The following PEMT variants were observed in gnomAD, a reference collection of about 807,000 sequenced individuals.
The protein encoded by PEMT is phosphatidylethanolamine N-methyltransferase, also known as phospholipid methyltransferase.
Under a neutral mutation model 27.4 loss-of-function variants are expected in PEMT, and 23 were observed. The ratio of observed to expected loss-of-function variants is 0.84; its 90% CI spans 0.60 to 1.19. The LOEUF (loss-of-function observed/expected upper bound fraction) is 1.19, where lower values mean the gene tolerates loss of function less well. Among genes scored for constraint, PEMT ranks in the 50% most tolerant of loss-of-function variants. The pLI is 0.00. For missense variants in PEMT, 307 were observed against 310.1 expected (o/e 0.99, Z 0.07); for synonymous variants, 137 against 139.1 (o/e 0.98, Z 0.11).
At chr17:17,549,569 C>T (rs1207116742) in intron 2 of PEMT, among the ~76,000 whole-genome samples, 2 of 152,226 alleles carry the variant, frequency 1.3e-5, no homozygotes, top group East Asian at 3.8e-4. Flanking sequence ...CTCAACCTCA[C>T]AAAATGCTGG....
chr17:17,590,434 C>T (rs1213039165), intron 1 of PEMT, among the ~76,000 whole-genome samples: 1 of 152,210 alleles, frequency 6.6e-6, no homozygotes, highest in Non-Finnish European at 1.5e-5. Flanking sequence ...GATACGGCAA[C>T]AGGCTCTCTT....
chr17:17,585,344 AAAC>A lies in PEMT; in HGVS notation c.96+6184_96+6186del, dbSNP rs992142662. ...CAGAGCGAGAATCCATCTCAAAAAC[AAAC>A]AACAACAACAAAAAGAAGTGAGGTG... On this transcript the variant is annotated intron_variant, in intron 1 of 6. Coordinates refer to ENST00000255389, the MANE Select transcript of PEMT (RefSeq NM_148172.3). Among the ~76,000 whole-genome samples, 17 of 152,310 alleles carry A rather than the reference AAAC, an allele frequency of 1.1e-4. 1 individual carries two copies. The highest frequency in any genetic ancestry group is 4.1e-4 in the African/African-American group (17 of 41,570).
chr17:17,506,871 G>A (rs1905903791), intron 5 of PEMT: 2 of 452,112 alleles, frequency 4.4e-6, no homozygotes, highest in Non-Finnish European at 8.0e-6. Context: ...GCCCCGCCCA[G>A]CCCTCAACAC....
intron 2 of PEMT, among the ~76,000 whole-genome samples, chr17:17,533,721 C>A (rs540917464): frequency 1.4e-5 from 2 of 141,040 alleles, no homozygotes; most frequent in African/African-American, 5.5e-5. Context: ...GAAGGCAGTT[C>A]GGCAGTGTCT....
chr17:17,506,479 A>G (rs1314679473), intron 5 of PEMT, among the ~76,000 whole-genome samples, 178 bp from the exon 6 acceptor site: 1 of 152,104 alleles, frequency 6.6e-6, no homozygotes, highest in Non-Finnish European at 1.5e-5. Context: ...TTGTGCCAGG[A>G]CCAGGGTCCC....
At chr17:17,558,447 G>A (rs1461216619) in intron 2 of PEMT, among the ~76,000 whole-genome samples, 1 of 151,972 alleles carries the variant, frequency 6.6e-6, no homozygotes, top group African/African-American at 2.4e-5. Flanking sequence ...GGCAGGGGTT[G>A]CAGTGAGCTG....
intron 1 of PEMT, among the ~76,000 whole-genome samples, chr17:17,589,352 C>T (rs1434456940): frequency 6.6e-6 from 1 of 151,346 alleles, no homozygotes; most frequent in Non-Finnish European, 1.5e-5. Flanking sequence ...TGGTGGAGGG[C>T]ATGGTACCCA....
chr17:17,505,658 T>C lies in PEMT; in HGVS notation c.*133A>G. The C allele has an allele frequency of 9.7e-7, 1 of 1,032,062 alleles. No homozygotes were observed. The highest frequency in any genetic ancestry group is 1.3e-6 in the Non-Finnish European group (1 of 756,886). The allele number at this position is 1,032,062 out of a possible 1,614,324, so 63.9% of individuals were successfully genotyped here. A position where few individuals can be genotyped will look rare whatever the true frequency, so the allele number is the denominator to read the frequency against. ...GTCCAGGGTCCCCAAGGCAGCAGGT[T>C]CCAAGGCACTGGGGCAGCCCACGCC... is the stretch of plus-strand genomic sequence containing the variant. On this transcript the variant is annotated 3_prime_UTR_variant, in exon 7 of 7. Coordinates refer to ENST00000255389, the MANE Select transcript of PEMT (RefSeq NM_148172.3).
At chr17:17,543,313 C>G (rs377390208) in intron 2 of PEMT, among the ~76,000 whole-genome samples, 18 of 152,224 alleles carry the variant, frequency 1.2e-4, no homozygotes, top group African/African-American at 4.3e-4. Context: ...CTCAGGCATA[C>G]GGCAGTGAAT....
rs377417091 is a variant in PEMT, at chr17:17,522,405, G to A, written c.205-10C>T. The stretch of plus-strand genomic sequence containing the variant: ...GTTCCCATCGTGCAACCTAAACCGT[G>A]AGCAGAGAACAAGAACGAGATATTT... On this transcript the variant is annotated splice_polypyrimidine_tract_variant and intron_variant, in intron 2 of 6. Coordinates refer to ENST00000255389, the MANE Select transcript of PEMT (RefSeq NM_148172.3). 1 of 1,584,066 alleles carries A rather than the reference G, an allele frequency of 6.3e-7. No individual in the cohort carries two copies. The highest frequency in any genetic ancestry group is 8.7e-7 in the Non-Finnish European group (1 of 1,153,264).
chr17:17,537,615 C>A (rs1302417076), intron 2 of PEMT, among the ~76,000 whole-genome samples: 1 of 152,234 alleles, frequency 6.6e-6, no homozygotes, highest in Non-Finnish European at 1.5e-5. Flanking sequence ...CCTCTTCCAT[C>A]CCTGATACTT....
chr17:17,520,759 G>A (rs1247853906), intron 3 of PEMT, among the ~76,000 whole-genome samples: 1 of 152,264 alleles, frequency 6.6e-6, no homozygotes, highest in Non-Finnish European at 1.5e-5. Context: ...CAGGCCTAGA[G>A]AAAGCAGGCA....
intron 2 of PEMT, among the ~76,000 whole-genome samples, chr17:17,573,985 T>C (rs1911390650): frequency 6.6e-6 from 1 of 152,040 alleles, no homozygotes; most frequent in Admixed American, 6.6e-5. Flanking sequence ...TTTTGCCATG[T>C]TCCCCAGGAT....
At chr17:17,578,537 T>C (rs569389459) in intron 1 of PEMT, 1 of 152,028 alleles carries the variant, frequency 6.6e-6, no homozygotes, top group Non-Finnish European at 1.5e-5. Context: ...AATAAAAAAC[T>C]TTTTCTAAAA....
At chr17:17,546,568 G>C (rs1343459430) in intron 2 of PEMT, among the ~76,000 whole-genome samples, 3 of 152,198 alleles carry the variant, frequency 2.0e-5, no homozygotes, top group Admixed American at 6.6e-5. Flanking sequence ...ACAAGATAAC[G>C]GGATGGCATC....
intron 2 of PEMT, among the ~76,000 whole-genome samples, chr17:17,536,063 C>T (rs954568265): frequency 1.3e-5 from 2 of 152,218 alleles, no homozygotes; most frequent in East Asian, 1.9e-4. Context: ...CTGTGGCATG[C>T]AGGCCCTGTG....
chr17:17,563,204 C>T (rs1278944367), intron 2 of PEMT, among the ~76,000 whole-genome samples: 2 of 151,810 alleles, frequency 1.3e-5, no homozygotes, highest in Non-Finnish European at 2.9e-5. Flanking sequence ...GAGAGAAGCA[C>T]GTTGGGGGTT....
chr17:17,534,587 G>A (rs923404717), intron 2 of PEMT, among the ~76,000 whole-genome samples: 9 of 152,290 alleles, frequency 5.9e-5, no homozygotes, highest in African/African-American at 1.7e-4. Context: ...CCAACACTCT[G>A]GGACTTTGGG....
At chr17:17,536,755 T>C (rs1281613777) in intron 2 of PEMT, among the ~76,000 whole-genome samples, 1 of 152,238 alleles carries the variant, frequency 6.6e-6, no homozygotes, top group Non-Finnish European at 1.5e-5. Flanking sequence ...ACTCATGCTC[T>C]GTGCTCCCTG....
Sources: gnomAD v4.1 joint callset for allele counts (sites outside exome capture counted in the v4.1 genomes callset) on GRCh38, gnomAD v4.1.1 for gene constraint, MANE v1.5 for transcripts, NCBI Gene and HGNC (gene_info 2026-07-23, HGNC 2026-07-21) for gene names.